LNPEP: variants seen among roughly 807,000 people sequenced by gnomAD.
The protein encoded by LNPEP is leucyl-cystinyl aminopeptidase.
A neutral mutation model predicts 120.6 loss-of-function variants in LNPEP; 64 were observed. That is an observed-to-expected ratio of 0.53 (90% CI 0.43 to 0.65). The LOEUF is 0.65. Among genes scored for constraint, LNPEP ranks in the 30% least tolerant of loss-of-function variants. The pLI, the probability that LNPEP is intolerant of heterozygous loss-of-function variation, is 0.00. For synonymous variants in LNPEP, 435 were observed against 425.4 expected, an observed-to-expected ratio of 1.02 and a Z score of -0.28; for missense variants, 1,057 against 1,200.0, an observed-to-expected ratio of 0.88 and a Z score of 1.76.
chr5:96,947,430 G>A (rs914486189), intron 1 of LNPEP, among the ~76,000 whole-genome samples: 1 of 152,158 alleles, frequency 6.6e-6, no homozygotes, highest in Non-Finnish European at 1.5e-5. Flanking sequence ...GACTAAAAGA[G>A]CGTATCTTTA....
intron 11 of LNPEP, among the ~76,000 whole-genome samples, chr5:97,008,414 TATC>T (rs1452686272): frequency 8.3e-6 from 1 of 120,210 alleles, no homozygotes; most frequent in Non-Finnish European, 1.6e-5. Context: ...GCAGTGACAA[TATC>T]ATAGCCCACT....
rs937820771 is a variant in LNPEP at position 97,035,294 on chromosome 5, G to C, written c.*6761G>C. On this transcript the variant is annotated 3_prime_UTR_variant, in exon 18 of 18. Transcript: ENST00000231368. ...CCTAGTCCTTTGCATGGATATATAGGTACCTAATGAAAATCGAGGATCAGT... is the reference window on the plus strand; with the variant it reads ...CCTAGTCCTTTGCATGGATATATAGCTACCTAATGAAAATCGAGGATCAGT... 2 of 151,954 alleles carry C rather than the reference G, an allele frequency of 1.3e-5. No individual in the cohort carries two copies. Among genetic ancestry groups the C allele is most frequent in the African/African-American group, 4.8e-5 (2 of 41,360 alleles). 9.4% of individuals were successfully genotyped at this position (151,954 alleles called of 1,614,324 possible). A position where few individuals can be genotyped will look rare whatever the true frequency, so the allele number is the denominator to read the frequency against.
intron 1 of LNPEP, among the ~76,000 whole-genome samples, chr5:96,954,219 G>A (rs540705812): frequency 6.6e-6 from 1 of 152,268 alleles, no homozygotes; most frequent in Admixed American, 6.5e-5. Flanking sequence ...GTGATCAGAT[G>A]TAAACATGTA....
At position 96,979,323 on chromosome 5, in the gene LNPEP, G is replaced by A. The variant is rs368502111; in HGVS notation, c.205G>A (p.Asp69Asn). Residue 69 changes from aspartate to asparagine, a missense_variant, in exon 2 of 18, where the codon GAT becomes AAT. Coordinates refer to ENST00000231368, the MANE Select transcript of LNPEP (RefSeq NM_005575.3). ...GEHEMEEDEE[D>N]YESSAKLLGM... The stretch of plus-strand genomic sequence containing the variant: ...GCATGAGATGGAGGAGGATGAAGAG[G>A]ATTATGAGTCATCAGCAAAGCTGCT... 6 of 1,614,034 alleles carry A rather than the reference G, an allele frequency of 3.7e-6. No individual in the cohort carries two copies. The highest frequency in any genetic ancestry group is 5.1e-6 in the Non-Finnish European group (6 of 1,179,942).
Position 97,014,975 on chromosome 5 carries a change from GATTA to G in LNPEP, c.2261_2264del (p.Asn754IlefsTer38), listed in dbSNP as rs1451287159. The stretch of plus-strand genomic sequence containing the variant: ...TACCTCTCAAGAGGGCCTTTGATTT[GATTA>G]ATTATCTTGGAAATGAGAACCATAC... On this transcript the variant is annotated frameshift_variant, in exon 13 of 18. Coordinates refer to ENST00000231368, the MANE Select transcript of LNPEP (RefSeq NM_005575.3). LOFTEE classifies it high-confidence loss of function. 1 of 1,587,944 alleles carries G rather than the reference GATTA, an allele frequency of 6.3e-7. No homozygotes were observed. Among genetic ancestry groups the G allele is most frequent in the Non-Finnish European group, 8.6e-7 (1 of 1,167,896 alleles).
At chr5:97,002,168 T>TA (rs1790671776) in intron 8 of LNPEP, among the ~76,000 whole-genome samples, 1 of 151,730 alleles carries the variant, frequency 6.6e-6, no homozygotes, top group African/African-American at 2.4e-5. Context: ...AATAAATACT[T>TA]ACAGTAGAGT....
At position 97,028,548 on chromosome 5, in the gene LNPEP, C is replaced by A. The variant is rs199927034; in HGVS notation, c.*15C>A. ...GGTGGCTGTAGCATGCACAACCGCA[C>A]CTCATTTTGTTGCCCATTCAGAGAG... On this transcript the variant is annotated 3_prime_UTR_variant, in exon 18 of 18. Transcript: ENST00000231368. 473 of 1,612,130 alleles carry A rather than the reference C, an allele frequency of 2.9e-4. 1 individual carries two copies. In the Middle Eastern group the frequency reaches 3.0e-3, roughly 10 times the overall value.
chr5:96,943,354 C>T (rs1461773957), intron 1 of LNPEP, among the ~76,000 whole-genome samples: 1 of 152,116 alleles, frequency 6.6e-6, no homozygotes, highest in East Asian at 1.9e-4. Flanking sequence ...AGTGGCACGG[C>T]CACAGCACTG....
At chr5:97,022,066 G>C (rs1468105359) in intron 13 of LNPEP, among the ~76,000 whole-genome samples, 63 of 151,276 alleles carry the variant, frequency 4.2e-4, no homozygotes, top group Non-Finnish European at 1.3e-4. Flanking sequence ...TGAGTAGCTG[G>C]GATTACAGGC....
Position 97,032,063 on chromosome 5 carries a change from T to C in LNPEP, c.*3530T>C, listed in dbSNP as rs767415382. 1 of 152,120 alleles carries C rather than the reference T, an allele frequency of 6.6e-6. No homozygotes were observed. Among genetic ancestry groups the C allele is most frequent in the African/African-American group, 2.4e-5 (1 of 41,428 alleles). 9.4% of individuals were successfully genotyped at this position (152,120 alleles called of 1,614,324 possible). A position where few individuals can be genotyped will look rare whatever the true frequency, so the allele number is the denominator to read the frequency against. On this transcript the variant is annotated 3_prime_UTR_variant, in exon 18 of 18. Transcript: ENST00000231368. ...TTCATGGGGCTTCAGGGAAGGCAAA[T>C]ACATCTGAGATGAGCCACCTCCAAG...
At chr5:96,982,093 A>G (rs1271622917) in intron 2 of LNPEP, among the ~76,000 whole-genome samples, 4 of 152,102 alleles carry the variant, frequency 2.6e-5, no homozygotes, top group African/African-American at 9.7e-5. Flanking sequence ...TTAACATTAT[A>G]TTCATTTTAC....
chr5:96,960,863 A>C (rs1789588271), intron 1 of LNPEP, among the ~76,000 whole-genome samples: 1 of 140,510 alleles, frequency 7.1e-6, no homozygotes, highest in Non-Finnish European at 1.6e-5. Context: ...TAACATGAGA[A>C]ATTTCTCAAA....
rs187680284 is a variant in LNPEP at position 96,955,435 on chromosome 5, C to T, written c.19+19261C>T. On this transcript the variant is annotated intron_variant, in intron 1 of 17. Coordinates refer to ENST00000231368, the MANE Select transcript of LNPEP (RefSeq NM_005575.3). ...TTCGAGACCAGCCTGGCCAACAAGGCGATAGCCCATCTCTACTAAAAATAC... is the reference window on the plus strand; with the variant it reads ...TTCGAGACCAGCCTGGCCAACAAGGTGATAGCCCATCTCTACTAAAAATAC... 4.7e-4 allele frequency among the ~76,000 whole-genome samples: 71 copies of T among 152,008 alleles called. 1 individual carries two copies. In the East Asian group the frequency reaches 0.012, roughly 26 times the overall value.
chr5:96,982,555 G>A (rs141427017), intron 2 of LNPEP, among the ~76,000 whole-genome samples: 2 of 152,032 alleles, frequency 1.3e-5, no homozygotes, highest in African/African-American at 4.8e-5. Context: ...AAAAGTGGTG[G>A]GTCTCTCTTG....
rs1311120459 is a variant in LNPEP at position 97,026,893 on chromosome 5, A to G, written c.2864+136A>G. On this transcript the variant is annotated intron_variant, in intron 16 of 17. Coordinates refer to ENST00000231368, the MANE Select transcript of LNPEP (RefSeq NM_005575.3). ...ACTTCCATGACAGTTTAACTGAAACATCCGGAAATTTTCACATTTGTTAAC... is the reference window on the plus strand; with the variant it reads ...ACTTCCATGACAGTTTAACTGAAACGTCCGGAAATTTTCACATTTGTTAAC... 4.5e-6 allele frequency: 3 copies of G among 668,410 alleles called. No individual in the cohort carries two copies. The African/African-American group carries it at 5.4e-5, about 12-fold the overall frequency. 41.4% of individuals were successfully genotyped at this position (668,410 alleles called of 1,614,324 possible).
chr5:97,013,578 G>A (rs545715796), intron 11 of LNPEP, 70 bp from the exon 12 acceptor site: 5 of 776,986 alleles, frequency 6.4e-6, no homozygotes, highest in South Asian at 3.4e-5. Context: ...AAAAAACAAA[G>A]CACTCATAAT....
intron 8 of LNPEP, among the ~76,000 whole-genome samples, chr5:96,999,112 A>AT (rs1011193020): frequency 5.3e-5 from 8 of 152,152 alleles, no homozygotes; most frequent in Non-Finnish European, 1.0e-4. Flanking sequence ...ATAAGGAATT[A>AT]TTTTTTTCCT....
Position 97,014,987 on chromosome 5 carries a change from T to G in LNPEP, c.2268T>G (p.Leu756=), listed in dbSNP as rs373732204. 134 of 1,590,044 alleles carry G rather than the reference T, an allele frequency of 8.4e-5. No individual in the cohort carries two copies. In the East Asian group the frequency reaches 1.1e-3, roughly 13 times the overall value. The change falls in exon 13 of 18, where the codon CTT becomes CTG. Residue 756 remains leucine (L), a synonymous_variant. Coordinates refer to ENST00000231368, the MANE Select transcript of LNPEP (RefSeq NM_005575.3). ...LKRAFDLINY[L]GNENHTAPIT... The stretch of plus-strand genomic sequence containing the variant: ...GGGCCTTTGATTTGATTAATTATCT[T>G]GGAAATGAGAACCATACTGCACCCA...
chr5:96,973,430 T>C (rs994965979), intron 1 of LNPEP, among the ~76,000 whole-genome samples: 9 of 152,142 alleles, frequency 5.9e-5, no homozygotes, highest in Non-Finnish European at 1.3e-4. Context: ...GAAATTTATC[T>C]AGAAAATATT....
Sources: gnomAD v4.1 joint callset for allele counts (sites outside exome capture counted in the v4.1 genomes callset) on GRCh38, gnomAD v4.1.1 for gene constraint, MANE v1.5 for transcripts, NCBI Gene and HGNC (gene_info 2026-07-23, HGNC 2026-07-21) for gene names.